The following DSCAML1 variants were observed in gnomAD, a reference collection of about 807,000 sequenced individuals.
The protein encoded by DSCAML1 is cell adhesion molecule DSCAML1.
A neutral mutation model predicts 200.5 loss-of-function variants in DSCAML1; 38 were observed. The observed-to-expected ratio is 0.19, with a 90% CI of 0.15 to 0.25. The LOEUF (loss-of-function observed/expected upper bound fraction) is 0.25. DSCAML1 is among the 10% of genes least tolerant of loss of function. The probability of loss-of-function intolerance (pLI) is 1.00; values close to 1 mark genes in which losing one functional copy is unlikely to be tolerated. For synonymous variants in DSCAML1, 1,215 were observed against 1,165.0 expected (o/e 1.04, Z -0.87); for missense variants, 2,223 against 2,858.8 (o/e 0.78, Z 5.07).
chr11:117,521,139 C>T lies in DSCAML1; in HGVS notation c.1204G>A (p.Ala402Thr). 1 of 1,612,254 alleles carries T rather than the reference C, an allele frequency of 6.2e-7. No individual in the cohort carries two copies. Residue 402 changes from alanine to threonine, a missense_variant, in exon 6 of 33, where the codon GCA (alanine) becomes ACA (threonine). Ala to Thr is a moderately conservative substitution (Grantham distance 58, BLOSUM62 0). Coordinates refer to ENST00000651296, the MANE Select transcript of DSCAML1 (RefSeq NM_020693.4). ...TGGCGCCCCAGCTCACCCTCAAGTGCAATGATGGCAAAGTCCTGGGCGGTC... is the reference window on the plus strand; with the variant it reads ...TGGCGCCCCAGCTCACCCTCAAGTGTAATGATGGCAAAGTCCTGGGCGGTC... ...AQTAQDFAII[A>T]LEDGTPRIVS... is the part of the protein sequence containing the mutation.
chr11:117,705,028 A>T (rs534342294), intron 3 of DSCAML1, among the ~76,000 whole-genome samples: 31 of 152,234 alleles, frequency 2.0e-4, no homozygotes, highest in African/African-American at 6.0e-4. Context: ...GACTCTGCGT[A>T]CCCACGCCGA....
intron 3 of DSCAML1, among the ~76,000 whole-genome samples, chr11:117,673,864 C>T (rs948705452): frequency 6.6e-6 from 1 of 152,246 alleles, no homozygotes; most frequent in African/African-American, 2.4e-5. Context: ...ACCTTTTAGG[C>T]TGCCCTGGAA....
intron 3 of DSCAML1, among the ~76,000 whole-genome samples, chr11:117,764,956 C>T (rs759610336): frequency 2.0e-5 from 3 of 152,202 alleles, no homozygotes; most frequent in African/African-American, 7.2e-5. Flanking sequence ...CATGCACGGC[C>T]GCCTTCATGG....
At chr11:117,484,901 GT>G (rs2049010097) in intron 11 of DSCAML1, among the ~76,000 whole-genome samples, 1 of 101,580 alleles carries the variant, frequency 9.8e-6, no homozygotes, top group Admixed American at 1.1e-4. Context: ...GTGTGTGTGT[GT>G]GTGTGTGTGT....
At chr11:117,519,817 G>A (rs1171011732) in intron 6 of DSCAML1, among the ~76,000 whole-genome samples, 3 of 152,272 alleles carry the variant, frequency 2.0e-5, no homozygotes, top group East Asian at 1.9e-4. Flanking sequence ...AATGAGACCC[G>A]TCTCTAAGAA....
intron 1 of DSCAML1, among the ~76,000 whole-genome samples, chr11:117,792,073 C>A (rs1367281395): frequency 6.6e-6 from 1 of 152,194 alleles, no homozygotes; most frequent in African/African-American, 2.4e-5. Flanking sequence ...TCATTCTACT[C>A]CAATATATGA....
At chr11:117,449,613 C>CCTGCTT (rs2048246812) in intron 20 of DSCAML1, among the ~76,000 whole-genome samples, 1 of 152,134 alleles carries the variant, frequency 6.6e-6, no homozygotes, top group Non-Finnish European at 1.5e-5. Context: ...GCCTCCTGCT[C>CCTGCTT]CTGCTTCTGC....
chr11:117,654,161 A>G lies in DSCAML1; in HGVS notation c.512-121639T>C, dbSNP rs4938426. On this transcript the variant is annotated intron_variant, in intron 3 of 32. Coordinates refer to ENST00000651296, the MANE Select transcript of DSCAML1 (RefSeq NM_020693.4). Reference sequence around the variant, plus strand: ...ATCCAAAATAGGCAAATCTATAGAGACAGATTGGTGGTTGCTTAGGGACAG... The same window carrying G: ...ATCCAAAATAGGCAAATCTATAGAGGCAGATTGGTGGTTGCTTAGGGACAG... 7.1e-3 allele frequency among the ~76,000 whole-genome samples: 1,077 copies of G among 152,264 alleles called. 24 individuals carry two copies. The East Asian group carries it at 0.08, about 11-fold the overall frequency.
At position 117,609,041 on chromosome 11, in the gene DSCAML1, AAAC is replaced by A. The variant is rs764285583; in HGVS notation, c.512-76522_512-76520del. The stretch of plus-strand genomic sequence containing the variant: ...AAACAAACAAACAAACAAACAAAAA[AAAC>A]AAAAATTGTCTGGGCATGGTGTTGT... On this transcript the variant is annotated intron_variant, in intron 3 of 32. Transcript: ENST00000651296. Among the ~76,000 whole-genome samples, 855 of 151,294 alleles carry A rather than the reference AAAC, an allele frequency of 5.7e-3. 6 individuals carry two copies. Among genetic ancestry groups the A allele is most frequent in the African/African-American group, 0.012 (491 of 41,170 alleles).
intron 14 of DSCAML1, among the ~76,000 whole-genome samples, chr11:117,473,852 C>T (rs2048735374): frequency 6.6e-6 from 1 of 152,154 alleles, no homozygotes; most frequent in African/African-American, 2.4e-5. Context: ...AATATGCAGG[C>T]TCCTACCTGC....
chr11:117,524,107 C>T (rs12224853), intron 5 of DSCAML1, among the ~76,000 whole-genome samples: 30,949 of 152,170 alleles, frequency 0.2, 3,346 homozygotes, highest in East Asian at 0.35. Flanking sequence ...CCAGGGCATT[C>T]GCCCATCTGC....
At chr11:117,553,615 C>A (rs2050506673) in intron 3 of DSCAML1, among the ~76,000 whole-genome samples, 1 of 152,194 alleles carries the variant, frequency 6.6e-6, no homozygotes, top group Non-Finnish European at 1.5e-5. Flanking sequence ...TATTAAAAAA[C>A]AAACCCAAAA....
chr11:117,599,652 G>A (rs529096769), intron 3 of DSCAML1, among the ~76,000 whole-genome samples: 3 of 152,188 alleles, frequency 2.0e-5, no homozygotes, highest in East Asian at 1.9e-4. Context: ...ATCTGCCACC[G>A]CTCTGTGCTT....
In DSCAML1 at chr11:117,642,953, G is replaced by A. The variant is rs2052442104; in HGVS notation, c.512-110431C>T. Among the ~76,000 whole-genome samples the A allele has an allele frequency of 6.6e-6, 1 of 152,148 alleles. No homozygotes were observed. On this transcript the variant is annotated intron_variant, in intron 3 of 32. Transcript: ENST00000651296. This position sits in a 1 kb window ranked among gnomAD's most constrained non-coding sequence, Gnocchi z 4.1. ...CAGTTTTCCCCAACCTTCCTCACCAGAAACGCAAAACTCCTTTGATTTGCC... is the reference window on the plus strand; with the variant it reads ...CAGTTTTCCCCAACCTTCCTCACCAAAAACGCAAAACTCCTTTGATTTGCC...
At chr11:117,601,029 G>A (rs1400155764) in intron 3 of DSCAML1, among the ~76,000 whole-genome samples, 1 of 152,172 alleles carries the variant, frequency 6.6e-6, no homozygotes, top group Non-Finnish European at 1.5e-5. Flanking sequence ...TATCGAACAA[G>A]ATTATCCCTT....
chr11:117,568,989 G>C (rs370844614), intron 3 of DSCAML1, among the ~76,000 whole-genome samples: 13 of 152,124 alleles, frequency 8.5e-5, no homozygotes, highest in African/African-American at 1.4e-4. Flanking sequence ...GCTACAGTAA[G>C]CAAAACAGCA....
rs1193144259 is a variant in DSCAML1 at position 117,651,711 on chromosome 11, C to CAAA, written c.512-119192_512-119190dup. ...TGGGCGACAGAGCAAGACTCTGTCT[C>CAAA]AAAAAAAAAAAAAAAAAAAAAAAAA... On this transcript the variant is annotated intron_variant, in intron 3 of 32. Transcript: ENST00000651296. Among the ~76,000 whole-genome samples, 93 of 31,070 alleles carry CAAA rather than the reference C, an allele frequency of 3.0e-3. 8 individuals are homozygous for CAAA. Among genetic ancestry groups the CAAA allele is most frequent in the East Asian group, 0.021 (18 of 878 alleles). 20.4% of individuals were successfully genotyped at this position (31,070 alleles called of 152,430 possible). A position where few individuals can be genotyped will look rare whatever the true frequency, so the allele number is the denominator to read the frequency against.
chr11:117,604,246 T>C (rs1360602726), intron 3 of DSCAML1, among the ~76,000 whole-genome samples: 1 of 152,150 alleles, frequency 6.6e-6, no homozygotes, highest in African/African-American at 2.4e-5. Flanking sequence ...CATTCATCTA[T>C]TTGATGGACC....
At chr11:117,473,739 CA>C (rs1471950536) in intron 14 of DSCAML1, among the ~76,000 whole-genome samples, 1 of 152,198 alleles carries the variant, frequency 6.6e-6, no homozygotes, top group Non-Finnish European at 1.5e-5. Flanking sequence ...AACAAAATGG[CA>C]GGCTGTTGGT....
Sources: gnomAD v4.1 joint callset for allele counts (sites outside exome capture counted in the v4.1 genomes callset) on GRCh38, gnomAD v4.1.1 for gene constraint, Gnocchi (gnomAD v3.1) non-coding constraint, MANE v1.5 for transcripts, NCBI Gene and HGNC (gene_info 2026-07-23, HGNC 2026-07-21) for gene names.